The following L3MBTL4 variants were observed in gnomAD, a reference collection of about 807,000 sequenced individuals.
The protein encoded by L3MBTL4 is L3MBTL histone methyl-lysine binding protein 4, also known as lethal(3)malignant brain tumor-like protein 4.
A neutral mutation model predicts 84.5 loss-of-function variants in L3MBTL4; 70 were observed. The observed-to-expected ratio is 0.83, with a 90% CI of 0.68 to 1.01. The LOEUF is 1.01. L3MBTL4 is among the 50% of genes least tolerant of loss of function. The pLI, the probability that L3MBTL4 is intolerant of heterozygous loss-of-function variation, is 0.00. For missense variants in L3MBTL4, 715 were observed against 754.8 expected, an observed-to-expected ratio of 0.95 and a Z score of 0.62; for synonymous variants, 274 against 259.8, an observed-to-expected ratio of 1.05 and a Z score of -0.52.
intron 1 of L3MBTL4, among the ~76,000 whole-genome samples, chr18:6,362,072 G>C (rs1255387596): frequency 7.5e-5 from 11 of 146,850 alleles, no homozygotes; most frequent in Admixed American, 2.7e-4. Context: ...TCACACCACT[G>C]TACTCCAGCC....
intron 1 of L3MBTL4, among the ~76,000 whole-genome samples, chr18:6,370,535 C>T (rs939580312): frequency 6.6e-6 from 1 of 152,182 alleles, no homozygotes; most frequent in Non-Finnish European, 1.5e-5. Context: ...CCCTTGGGGG[C>T]CTACAGAACC....
Position 6,239,777 on chromosome 18 carries a change from A to G in L3MBTL4, c.648T>C (p.Asp216=). The G allele has an allele frequency of 6.2e-7, 1 of 1,614,168 alleles. No homozygotes were observed. ...PSLVCVATIA[D]IVEDRLLVHF... is the part of the protein sequence containing the mutation. The stretch of plus-strand genomic sequence containing the variant: ...GCACTAGTAAGCGATCTTCAACAAT[A>G]TCTGCTATGGTCGCCACACACACCA... The change falls in exon 9 of 19, where the codon GAT becomes GAC. Residue 216 remains aspartate (D), a synonymous_variant. Transcript: ENST00000317931.
At position 6,093,476 on chromosome 18, in the gene L3MBTL4, G is replaced by A. The variant is rs1182014805; in HGVS notation, c.1252C>T (p.His418Tyr). 1 of 1,613,960 alleles carries A rather than the reference G, an allele frequency of 6.2e-7. No individual in the cohort carries two copies. The highest frequency in any genetic ancestry group is 8.5e-7 in the Non-Finnish European group (1 of 1,179,982). The change falls in exon 15 of 19, where the codon CAC (histidine) becomes TAC (tyrosine). Residue 418 changes from histidine to tyrosine, a missense_variant. Coordinates refer to ENST00000317931, the MANE Select transcript of L3MBTL4 (RefSeq NM_001330559.2). The stretch of plus-strand genomic sequence containing the variant: ...TGTGTTTGTTCTCTCAAACGATCGT[G>A]AAGTGTTGCCTCCTTTTTCAAGTTC... ...DMNLKKEATL[H>Y]DRLREQTQAN... is the part of the protein sequence containing the mutation.
intron 5 of L3MBTL4, among the ~76,000 whole-genome samples, chr18:6,249,254 T>C (rs1443979612): frequency 6.6e-6 from 1 of 152,220 alleles, no homozygotes; most frequent in Admixed American, 6.5e-5. Context: ...GGAGAGAATG[T>C]TACTAATGCT....
At chr18:6,406,612 C>T (rs531083456) in intron 1 of L3MBTL4, among the ~76,000 whole-genome samples, 8 of 152,186 alleles carry the variant, frequency 5.3e-5, no homozygotes, top group South Asian at 2.1e-4. Flanking sequence ...AGATAGTTTT[C>T]GTTGTCACAG....
chr18:5,993,812 T>TC (rs1483619627), intron 16 of L3MBTL4, among the ~76,000 whole-genome samples: 1 of 152,194 alleles, frequency 6.6e-6, no homozygotes, highest in Non-Finnish European at 1.5e-5. Context: ...TACTGTATTT[T>TC]CCCCAATAGT....
At chr18:6,046,857 T>A in intron 16 of L3MBTL4, 2 of 672,200 alleles carry the variant, frequency 3.0e-6, no homozygotes, top group Admixed American at 4.9e-5. Context: ...GAAAAACAAG[T>A]ATAAACTAAC....
Position 6,203,972 on chromosome 18 carries a change from G to A in L3MBTL4, c.981+9177C>T, listed in dbSNP as rs12454751. On this transcript the variant is annotated intron_variant, in intron 12 of 18. Coordinates refer to ENST00000317931, the MANE Select transcript of L3MBTL4 (RefSeq NM_001330559.2). Reference sequence around the variant, plus strand: ...GAAATCTGCCTGAACACCTTCTGCCGTGCCCGTTTAGGGTGTGTGCCCAGC... The same window carrying A: ...GAAATCTGCCTGAACACCTTCTGCCATGCCCGTTTAGGGTGTGTGCCCAGC... Among the ~76,000 whole-genome samples the A allele has an allele frequency of 8.0e-3, 1,218 of 152,238 alleles. 33 individuals carry two copies. The highest frequency in any genetic ancestry group is 0.048 in the Admixed American group (735 of 15,296).
chr18:6,039,383 C>A (rs2056299950), intron 16 of L3MBTL4, among the ~76,000 whole-genome samples: 1 of 152,120 alleles, frequency 6.6e-6, no homozygotes, highest in Non-Finnish European at 1.5e-5. Flanking sequence ...CTAGAGTCGG[C>A]TCTTTATCTT....
intron 1 of L3MBTL4, among the ~76,000 whole-genome samples, chr18:6,386,774 A>T (rs1483288941): frequency 2.6e-5 from 4 of 152,196 alleles, no homozygotes; most frequent in African/African-American, 9.7e-5. Flanking sequence ...AGAAGGCAAG[A>T]GATGAGACCA....
chr18:6,066,136 T>G (rs1329480335), intron 16 of L3MBTL4, among the ~76,000 whole-genome samples: 2 of 152,162 alleles, frequency 1.3e-5, no homozygotes, highest in Admixed American at 6.5e-5. Flanking sequence ...AAGAGCAAAT[T>G]ATTTAACTTC....
chr18:6,190,260 T>G (rs2045008438), intron 12 of L3MBTL4, among the ~76,000 whole-genome samples: 1 of 152,176 alleles, frequency 6.6e-6, no homozygotes, highest in Non-Finnish European at 1.5e-5. Context: ...TGTGGTTACC[T>G]CTGGAAAGGT....
intron 3 of L3MBTL4, 22 bp downstream of exon 3, chr18:6,311,532 G>T (rs1467759774): frequency 1.3e-6 from 2 of 1,598,340 alleles, no homozygotes; most frequent in African/African-American, 2.7e-5. Flanking sequence ...TGTGAGGAAG[G>T]GTCCAGGGAT....
chr18:6,077,115 G>A (rs906025861), intron 16 of L3MBTL4, among the ~76,000 whole-genome samples: 4 of 152,196 alleles, frequency 2.6e-5, no homozygotes, highest in African/African-American at 9.7e-5. Context: ...CTCCGTCCTG[G>A]AGAAGGGGCT....
chr18:6,023,046 G>A (rs2055342153), intron 16 of L3MBTL4, among the ~76,000 whole-genome samples: 1 of 152,140 alleles, frequency 6.6e-6, no homozygotes, highest in African/African-American at 2.4e-5. Context: ...GGATAAGTGA[G>A]GTTACAGATG....
At chr18:6,110,795 C>A (rs762474955) in intron 14 of L3MBTL4, among the ~76,000 whole-genome samples, 4 of 152,158 alleles carry the variant, frequency 2.6e-5, no homozygotes, top group South Asian at 2.1e-4. Flanking sequence ...TGTCTGCCTA[C>A]AGTTACTATT....
intron 16 of L3MBTL4, among the ~76,000 whole-genome samples, chr18:5,998,919 TC>T (rs1273874186): frequency 6.6e-6 from 1 of 152,160 alleles, no homozygotes; most frequent in African/African-American, 2.4e-5. Flanking sequence ...TCAGAATTTT[TC>T]TCTGCCATAA....
chr18:6,246,085 C>T (rs546324563), intron 5 of L3MBTL4, among the ~76,000 whole-genome samples: 1 of 152,296 alleles, frequency 6.6e-6, no homozygotes, highest in South Asian at 2.1e-4. Context: ...ATGGTTTCTA[C>T]ATACTTGTAG....
chr18:6,182,456 T>C (rs898237315), intron 12 of L3MBTL4, among the ~76,000 whole-genome samples: 2 of 152,222 alleles, frequency 1.3e-5, no homozygotes, highest in African/African-American at 4.8e-5. Flanking sequence ...GTTGGATGCA[T>C]AGTTTGCAAA....
Sources: gnomAD v4.1 joint callset for allele counts (sites outside exome capture counted in the v4.1 genomes callset) on GRCh38, gnomAD v4.1.1 for gene constraint, MANE v1.5 for transcripts, NCBI Gene and HGNC (gene_info 2026-07-23, HGNC 2026-07-21) for gene names.